The following TXN2 variants were observed in gnomAD, a reference collection of about 807,000 sequenced individuals.
The protein encoded by TXN2 is thioredoxin, mitochondrial.
In TXN2, 12 loss-of-function variants were observed where a neutral mutation model predicts 14.6. The observed-to-expected ratio is 0.82, with a 90% CI of 0.53 to 1.33. The LOEUF (loss-of-function observed/expected upper bound fraction) is 1.33. Among genes scored for constraint, TXN2 ranks in the 40% most tolerant of loss-of-function variants. The pLI is 0.00. For missense variants in TXN2, 173 were observed against 207.7 expected (o/e 0.83, Z 1.03); for synonymous variants, 89 against 81.0 (o/e 1.10, Z -0.53).
At chr22:36,469,396 A>G (rs558724454) in intron 3 of TXN2, among the ~76,000 whole-genome samples, 196 of 130,876 alleles carry the variant, frequency 1.5e-3, no homozygotes, top group Middle Eastern at 3.9e-3. Context: ...GTGATGAGTG[A>G]CAGGGTCCAG....
chr22:36,478,999 T>C (rs974115251), intron 2 of TXN2, among the ~76,000 whole-genome samples: 1 of 151,504 alleles, frequency 6.6e-6, no homozygotes. Flanking sequence ...CAGTGGTTCA[T>C]GCCTGTAATC....
Position 36,467,560 on chromosome 22 carries a change from A to C in TXN2, c.*244T>G. On this transcript the variant is annotated 3_prime_UTR_variant, in exon 4 of 4. Transcript: ENST00000216185. Reference sequence around the variant, plus strand: ...TCCTGGGAGAACTGCCATAGGCCCTAGAAGGAGGGATGAAAGGCGTATGGG... The same window carrying C: ...TCCTGGGAGAACTGCCATAGGCCCTCGAAGGAGGGATGAAAGGCGTATGGG... 1 of 484,048 alleles carries C rather than the reference A, an allele frequency of 2.1e-6. No individual in the cohort carries two copies. The allele number at this position is 484,048 out of a possible 1,614,324, so 30.0% of individuals were successfully genotyped here.
chr22:36,468,878 C>T (rs1478675891), intron 3 of TXN2, among the ~76,000 whole-genome samples: 2 of 151,908 alleles, frequency 1.3e-5, no homozygotes, highest in Non-Finnish European at 2.9e-5. Flanking sequence ...CCTGTCTCTA[C>T]TGAAAATACA....
chr22:36,475,249 G>A (rs946316928), intron 3 of TXN2, among the ~76,000 whole-genome samples: 3 of 152,206 alleles, frequency 2.0e-5, no homozygotes, highest in East Asian at 1.9e-4. Flanking sequence ...GTGGTGGCGC[G>A]TGCCTGTAAT....
intron 3 of TXN2, chr22:36,468,571 C>G (rs1045563989): frequency 8.4e-6 from 3 of 357,118 alleles, no homozygotes; most frequent in African/African-American, 4.4e-5. Flanking sequence ...TAAACCCCCC[C>G]AAAATATTAG....
At chr22:36,471,961 C>A (rs936736684) in intron 3 of TXN2, among the ~76,000 whole-genome samples, 1 of 133,474 alleles carries the variant, frequency 7.5e-6, no homozygotes, top group Non-Finnish European at 1.8e-5. Flanking sequence ...AAGAGTGAGA[C>A]CCCCTCTAAA....
At chr22:36,469,864 G>A (rs752687550) in intron 3 of TXN2, among the ~76,000 whole-genome samples, 3 of 152,164 alleles carry the variant, frequency 2.0e-5, no homozygotes, top group Non-Finnish European at 2.9e-5. Flanking sequence ...GCTGAGGCAG[G>A]AGAATCGCTT....
intron 1 of TXN2, 140 bp from the exon 2 acceptor site, chr22:36,480,977 C>G: frequency 1.1e-6 from 1 of 940,868 alleles, no homozygotes; most frequent in East Asian, 3.0e-5. Context: ...AGATTTGTAG[C>G]GTGGAAGTGA....
chr22:36,473,066 G>C (rs1221434771), intron 3 of TXN2, among the ~76,000 whole-genome samples: 1 of 152,154 alleles, frequency 6.6e-6, no homozygotes. Context: ...CAGCACTCTG[G>C]GAGGCCGAGG....
rs1288128373 is a variant in TXN2 at position 36,467,738 on chromosome 22, G to T, written c.*66C>A. ...AGGAGGGAGGCAGCAGGAAGGGCTG[G>T]CATGGAAGGGCTGAGTTCTATTGGG... On this transcript the variant is annotated 3_prime_UTR_variant, in exon 4 of 4. Coordinates refer to ENST00000216185, the MANE Select transcript of TXN2 (RefSeq NM_012473.4). 25 of 1,357,620 alleles carry T rather than the reference G, an allele frequency of 1.8e-5. No individual in the cohort carries two copies. The highest frequency in any genetic ancestry group is 2.4e-5 in the Non-Finnish European group (23 of 949,716). The allele number at this position is 1,357,620 out of a possible 1,614,324, so 84.1% of individuals were successfully genotyped here. A position where few individuals can be genotyped will look rare whatever the true frequency, so the allele number is the denominator to read the frequency against.
intron 3 of TXN2, among the ~76,000 whole-genome samples, chr22:36,469,133 G>A (rs73407701): frequency 6.6e-6 from 1 of 152,218 alleles, no homozygotes; most frequent in Non-Finnish European, 1.5e-5. Context: ...AGCCAGGTGA[G>A]CTGGGGCACG....
At chr22:36,473,033 G>A (rs762981324) in intron 3 of TXN2, among the ~76,000 whole-genome samples, 4 of 152,172 alleles carry the variant, frequency 2.6e-5, no homozygotes, top group Non-Finnish European at 4.4e-5. Context: ...GTGGCCGGGC[G>A]CGGTGGCTCA....
Position 36,467,784 on chromosome 22 carries a change from CCA to C in TXN2, c.*18_*19del, listed in dbSNP as rs1933191182. 1.9e-6 allele frequency: 3 copies of C among 1,602,354 alleles called. No individual in the cohort carries two copies. The South Asian group carries it at 3.3e-5, about 18-fold the overall frequency. ...TTGGGGTCCCACGCGGGCAAGGGAA[CCA>C]GGACTCATCCCTGCTTGTCAGCCAA... On this transcript the variant is annotated 3_prime_UTR_variant, in exon 4 of 4. Coordinates refer to ENST00000216185, the MANE Select transcript of TXN2 (RefSeq NM_012473.4).
chr22:36,475,637 C>T (rs1217836203), intron 3 of TXN2, among the ~76,000 whole-genome samples: 4 of 152,186 alleles, frequency 2.6e-5, no homozygotes, highest in Admixed American at 6.5e-5. Flanking sequence ...GCAATGCTTC[C>T]AATACCAACC....
At position 36,480,655 on chromosome 22, in the gene TXN2, G is replaced by C. The variant is rs1186931231; in HGVS notation, c.183C>G (p.Thr61=). The C allele has an allele frequency of 1.2e-6, 2 of 1,614,074 alleles. No homozygotes were observed. The highest frequency in any genetic ancestry group is 1.7e-6 in the Non-Finnish European group (2 of 1,180,048). ...TIYTTRISLT[T]FNIQDGPDFQ... ...AGTCAGGTCCATCCTGGATATTAAA[G>C]GTTGTCAAGGAGATCCTCGTGGTGT... The change falls in exon 2 of 4, where the codon ACC becomes ACG. Residue 61 remains threonine (T), a synonymous_variant. Transcript: ENST00000216185.
Position 36,476,763 on chromosome 22 carries a change from A to G in TXN2, c.357T>C (p.Asp119=), listed in dbSNP as rs1466377952. Residue 119 remains aspartate (D), a synonymous_variant, in exon 3 of 4, where the codon GAT becomes GAC. Coordinates refer to ENST00000216185, the MANE Select transcript of TXN2 (RefSeq NM_012473.4). ...GKVVMAKVDI[D]DHTDLAIEYE... is the part of the protein sequence containing the mutation. ...ACTCAATGGCGAGGTCTGTGTGGTC[A>G]TCAATATCCACCTTGGCCATCACCA... The G allele has an allele frequency of 6.2e-7, 1 of 1,614,140 alleles. No homozygotes were observed. Among genetic ancestry groups the G allele is most frequent in the African/African-American group, 1.3e-5 (1 of 75,028 alleles).
In TXN2 at chr22:36,467,371, GCTT is replaced by G. The variant is rs1933181634; in HGVS notation, c.*430_*432del. ...TTAGATATTACTCTCACTAGTTTGG[GCTT>G]CTTTTTTCTTTTTCTTTTTACAAAA... On this transcript the variant is annotated 3_prime_UTR_variant, in exon 4 of 4. Coordinates refer to ENST00000216185, the MANE Select transcript of TXN2 (RefSeq NM_012473.4). 2 of 184,746 alleles carry G rather than the reference GCTT, an allele frequency of 1.1e-5. No individual in the cohort carries two copies. The highest frequency in any genetic ancestry group is 2.3e-5 in the Non-Finnish European group (2 of 87,134). The allele number at this position is 184,746 out of a possible 1,614,324, so 11.4% of individuals were successfully genotyped here.
intron 3 of TXN2, among the ~76,000 whole-genome samples, chr22:36,476,288 C>G (rs903592766): frequency 2.0e-5 from 3 of 152,094 alleles, no homozygotes; most frequent in Non-Finnish European, 4.4e-5. Context: ...GTGCTCTGAG[C>G]TCTTAAAAGC....
chr22:36,481,196 C>A, intron 1 of TXN2: 1 of 171,592 alleles, frequency 5.8e-6, no homozygotes, highest in Non-Finnish European at 1.2e-5. Context: ...TGCTATTGTA[C>A]TGCCCACACT....
Sources: allele counts gnomAD v4.1 joint callset (sites outside exome capture counted in the v4.1 genomes callset), GRCh38; gene constraint gnomAD v4.1.1; transcripts MANE v1.5; gene names NCBI Gene and HGNC (gene_info 2026-07-23, HGNC 2026-07-21).